The following ARB2A variants were observed in gnomAD, a reference collection of about 807,000 sequenced individuals.
ARB2A encodes the protein cotranscriptional regulator ARB2A.
At chr5:94,082,273 A>G in the ARB2A span, among the ~76,000 whole-genome samples, 4 of 152,118 alleles carry the variant, frequency 2.6e-5, no homozygotes, top group Non-Finnish European at 5.9e-5. Flanking sequence ...CTAAGCACAT[A>G]CCACCTAAAA....
chr5:93,998,060 A>T, the ARB2A span, among the ~76,000 whole-genome samples: 1 of 151,872 alleles, frequency 6.6e-6, no homozygotes, highest in Non-Finnish European at 1.5e-5. Context: ...CACAAAGGAA[A>T]AAAAGGTTCA....
the ARB2A span, among the ~76,000 whole-genome samples, chr5:93,811,440 A>G: frequency 6.6e-6 from 1 of 152,182 alleles, no homozygotes; most frequent in African/African-American, 2.4e-5. Flanking sequence ...AAGGCACAAA[A>G]AGAATAAGCA....
chr5:94,105,323 C>T, the ARB2A span, among the ~76,000 whole-genome samples: 1 of 152,104 alleles, frequency 6.6e-6, no homozygotes, highest in Non-Finnish European at 1.5e-5. Flanking sequence ...TCAAAAAAAT[C>T]AGTAGCATTT....
the ARB2A span, among the ~76,000 whole-genome samples, chr5:93,936,775 G>A: frequency 6.6e-6 from 1 of 152,114 alleles, no homozygotes; most frequent in East Asian, 1.9e-4. Context: ...AAAGAGAAAT[G>A]TCACTTTGGG....
the ARB2A span, among the ~76,000 whole-genome samples, chr5:93,774,296 A>T: frequency 6.6e-6 from 1 of 152,232 alleles, no homozygotes; most frequent in Non-Finnish European, 1.5e-5. Flanking sequence ...TCAAGAATTC[A>T]GATGAAAGGA....
the ARB2A span, among the ~76,000 whole-genome samples, chr5:93,639,235 T>A: frequency 6.6e-6 from 1 of 152,242 alleles, no homozygotes; most frequent in Non-Finnish European, 1.5e-5. Context: ...TCATGAAAGT[T>A]CCTGTCACTT....
chr5:93,762,301 G>GA, the ARB2A span, among the ~76,000 whole-genome samples: 2 of 151,922 alleles, frequency 1.3e-5, no homozygotes, highest in Non-Finnish European at 2.9e-5. Context: ...TAAAAACCTT[G>GA]AAAAAAAATT....
the ARB2A span, among the ~76,000 whole-genome samples, chr5:93,702,449 A>G: frequency 2.0e-5 from 3 of 152,160 alleles, no homozygotes; most frequent in Non-Finnish European, 4.4e-5. Context: ...TAAACTTTAT[A>G]TGTCGATTTG....
chr5:93,862,706 T>C, the ARB2A span: 1 of 152,036 alleles, frequency 6.6e-6, no homozygotes, highest in African/African-American at 2.4e-5. Context: ...TCAAGAAAAG[T>C]TTTAACAAAG....
chr5:93,786,736 C>T, the ARB2A span, among the ~76,000 whole-genome samples: 3 of 152,204 alleles, frequency 2.0e-5, no homozygotes, highest in Non-Finnish European at 4.4e-5. Context: ...AGACCCTCTG[C>T]TTCTTGCATT....
At chr5:93,861,060 T>C in the ARB2A span, 3 of 152,184 alleles carry the variant, frequency 2.0e-5, no homozygotes, top group Non-Finnish European at 4.4e-5. Context: ...GGTTTCAAGA[T>C]GTATAAGCAA....
the ARB2A span, among the ~76,000 whole-genome samples, chr5:93,923,564 G>A: frequency 2.6e-5 from 4 of 152,166 alleles, no homozygotes; most frequent in Non-Finnish European, 5.9e-5. Context: ...GCTCATGCCT[G>A]TAATCACAGA....
chr5:93,721,569 C>T, the ARB2A span, among the ~76,000 whole-genome samples: 3 of 152,262 alleles, frequency 2.0e-5, no homozygotes, highest in South Asian at 6.2e-4. Flanking sequence ...TAAGGATACA[C>T]ATGAATAATT....
chr5:93,725,591 G>C, the ARB2A span, among the ~76,000 whole-genome samples: 2 of 151,896 alleles, frequency 1.3e-5, no homozygotes, highest in Admixed American at 6.6e-5. Flanking sequence ...TGAAGCTTAG[G>C]AACAAATGAG....
the ARB2A span, among the ~76,000 whole-genome samples, chr5:94,064,103 A>G: frequency 6.6e-6 from 1 of 152,082 alleles, no homozygotes; most frequent in Non-Finnish European, 1.5e-5. Flanking sequence ...AGAAATCAGA[A>G]AAACAACTCA....
the ARB2A span, among the ~76,000 whole-genome samples, chr5:93,999,254 T>C: frequency 6.6e-6 from 1 of 152,026 alleles, no homozygotes; most frequent in East Asian, 1.9e-4. Flanking sequence ...GAGGCTTATC[T>C]TGGGTTCTCA....
chr5:94,035,444 T>C, the ARB2A span, among the ~76,000 whole-genome samples: 1 of 152,144 alleles, frequency 6.6e-6, no homozygotes, highest in Non-Finnish European at 1.5e-5. Context: ...TACATTTATA[T>C]ATTTATTTGC....
At chr5:94,005,078 T>A in the ARB2A span, among the ~76,000 whole-genome samples, 1 of 117,776 alleles carries the variant, frequency 8.5e-6, no homozygotes, top group East Asian at 3.0e-4. Context: ...CACAAAACAA[T>A]CTGCAAAAGA....
chr5:93,968,917 A>C, the ARB2A span, among the ~76,000 whole-genome samples: 1 of 151,676 alleles, frequency 6.6e-6, no homozygotes, highest in East Asian at 1.9e-4. Context: ...GTTGAAAGAA[A>C]CCCCACCAAC....
Sources: allele counts gnomAD v4.1 joint callset (sites outside exome capture counted in the v4.1 genomes callset), GRCh38; gene constraint gnomAD v4.1.1; transcripts MANE v1.5; gene names NCBI Gene and HGNC (gene_info 2026-07-23, HGNC 2026-07-21).